Variants in SLC2A13 observed in about 807,000 individuals in gnomAD.
SLC2A13 encodes solute carrier family 2 member 13, also known as proton myo-inositol cotransporter.
In SLC2A13, 32 loss-of-function variants were observed where a neutral mutation model predicts 64.4. The ratio of observed to expected loss-of-function variants is 0.50; its 90% CI spans 0.37 to 0.67. SLC2A13 has a LOEUF of 0.67. Among genes scored for constraint, SLC2A13 ranks in the 30% least tolerant of loss-of-function variants. The pLI, the probability that SLC2A13 is intolerant of heterozygous loss-of-function variation, is 0.00. For synonymous variants in SLC2A13, 338 were observed against 327.1 expected (o/e 1.03, Z -0.36); for missense variants, 743 against 829.2 (o/e 0.90, Z 1.28).
At chr12:40,083,107 G>A (rs986109633) in intron 1 of SLC2A13, among the ~76,000 whole-genome samples, 2 of 152,082 alleles carry the variant, frequency 1.3e-5, no homozygotes, top group African/African-American at 4.8e-5. Flanking sequence ...GATTACTCAG[G>A]AGATAGACTG....
chr12:39,881,025 A>G (rs1470662915), intron 4 of SLC2A13, among the ~76,000 whole-genome samples: 2 of 152,224 alleles, frequency 1.3e-5, no homozygotes, highest in Non-Finnish European at 2.9e-5. Flanking sequence ...GATTGTTCCC[A>G]AACCTGTTTA....
At chr12:40,063,306 GACT>G (rs1390580921) in intron 1 of SLC2A13, among the ~76,000 whole-genome samples, 2 of 152,022 alleles carry the variant, frequency 1.3e-5, no homozygotes, top group African/African-American at 4.8e-5. Flanking sequence ...CCAGTTACAG[GACT>G]ACTTTCTTTC....
intron 1 of SLC2A13, among the ~76,000 whole-genome samples, chr12:40,086,810 A>T (rs1225183965): frequency 6.6e-6 from 1 of 152,208 alleles, no homozygotes; most frequent in Non-Finnish European, 1.5e-5. Flanking sequence ...CCCTGGACCT[A>T]ATACTGCAGT....
chr12:40,084,943 C>T (rs1355783306), intron 1 of SLC2A13, among the ~76,000 whole-genome samples: 1 of 152,144 alleles, frequency 6.6e-6, no homozygotes, highest in Non-Finnish European at 1.5e-5. Flanking sequence ...TTGGGACCCC[C>T]AACCTACAAG....
At chr12:39,902,645 T>C (rs887953392) in intron 4 of SLC2A13, among the ~76,000 whole-genome samples, 1 of 152,140 alleles carries the variant, frequency 6.6e-6, no homozygotes, top group African/African-American at 2.4e-5. Context: ...TTTGAACATT[T>C]CAGTGGTAAA....
At chr12:39,875,328 T>G (rs1163168017) in intron 4 of SLC2A13, among the ~76,000 whole-genome samples, 2 of 152,192 alleles carry the variant, frequency 1.3e-5, no homozygotes, top group Non-Finnish European at 2.9e-5. Context: ...CAACAATGAT[T>G]TGTCAAGTCC....
chr12:40,079,435 T>C (rs965348312), intron 1 of SLC2A13, among the ~76,000 whole-genome samples: 3 of 152,208 alleles, frequency 2.0e-5, no homozygotes, highest in Non-Finnish European at 4.4e-5. Context: ...CTTCTTGGTA[T>C]TGATTTCTAT....
chr12:39,923,924 GAATT>G (rs1945669187), intron 4 of SLC2A13, among the ~76,000 whole-genome samples: 1 of 151,674 alleles, frequency 6.6e-6, no homozygotes. Context: ...ATGGAAAAAA[GAATT>G]AAAACAAACA....
At chr12:39,937,788 T>C (rs1445215835) in intron 4 of SLC2A13, among the ~76,000 whole-genome samples, 1 of 152,170 alleles carries the variant, frequency 6.6e-6, no homozygotes, top group African/African-American at 2.4e-5. Flanking sequence ...ACATTGGGCA[T>C]ATTTAGCTAC....
chr12:39,769,406 C>T (rs1407031127), intron 7 of SLC2A13, among the ~76,000 whole-genome samples: 1 of 152,028 alleles, frequency 6.6e-6, no homozygotes, highest in African/African-American at 2.4e-5. Flanking sequence ...ATCTGAAGAA[C>T]AGATCTTTTA....
chr12:39,861,579 T>G (rs939295640), intron 6 of SLC2A13, among the ~76,000 whole-genome samples: 1 of 152,152 alleles, frequency 6.6e-6, no homozygotes, highest in Non-Finnish European at 1.5e-5. Flanking sequence ...CTAGCTCTTA[T>G]GAGAAAATAT....
intron 1 of SLC2A13, among the ~76,000 whole-genome samples, chr12:40,077,161 T>C (rs1938208730): frequency 6.6e-6 from 1 of 152,170 alleles, no homozygotes; most frequent in South Asian, 2.1e-4. Context: ...TTTAACTAGA[T>C]CCTATTTCTC....
intron 4 of SLC2A13, among the ~76,000 whole-genome samples, chr12:39,948,088 A>G (rs2136096692): frequency 6.6e-6 from 1 of 152,270 alleles, no homozygotes; most frequent in East Asian, 1.9e-4. Context: ...CCCTTATATT[A>G]GGAAAGTTAG....
intron 4 of SLC2A13, among the ~76,000 whole-genome samples, chr12:39,880,700 A>C (rs187620663): frequency 1.3e-5 from 2 of 152,230 alleles, no homozygotes; most frequent in East Asian, 1.9e-4. Flanking sequence ...GGATTTCTAC[A>C]TATGCCAATG....
chr12:39,840,653 G>A (rs1943156751), intron 6 of SLC2A13, among the ~76,000 whole-genome samples: 1 of 151,852 alleles, frequency 6.6e-6, no homozygotes, highest in Non-Finnish European at 1.5e-5. Flanking sequence ...GTTCCTCTAT[G>A]CAACTTCCTG....
chr12:39,986,949 G>A (rs555526283), intron 3 of SLC2A13, among the ~76,000 whole-genome samples: 5 of 152,082 alleles, frequency 3.3e-5, no homozygotes, highest in Non-Finnish European at 7.4e-5. Context: ...AGAGACACAA[G>A]GATATCAGCA....
At chr12:39,878,626 G>A (rs889833743) in intron 4 of SLC2A13, among the ~76,000 whole-genome samples, 28 of 152,154 alleles carry the variant, frequency 1.8e-4, no homozygotes, top group African/African-American at 6.8e-4. Flanking sequence ...GCTTCTAACA[G>A]CTTATCCTCA....
At chr12:39,928,195 GA>G (rs1253151073) in intron 4 of SLC2A13, among the ~76,000 whole-genome samples, 1 of 151,888 alleles carries the variant, frequency 6.6e-6, no homozygotes, top group South Asian at 2.1e-4. Flanking sequence ...CCATACTCTT[GA>G]AAAAAACAAA....
At chr12:39,793,518 C>G (rs545716279) in intron 7 of SLC2A13, among the ~76,000 whole-genome samples, 3 of 152,132 alleles carry the variant, frequency 2.0e-5, no homozygotes, top group South Asian at 4.1e-4. Flanking sequence ...CCCATCTTAG[C>G]CTCCTGAGTG....
Sources: gnomAD v4.1 joint callset for allele counts (sites outside exome capture counted in the v4.1 genomes callset) on GRCh38, gnomAD v4.1.1 for gene constraint, MANE v1.5 for transcripts, NCBI Gene and HGNC (gene_info 2026-07-23, HGNC 2026-07-21) for gene names.